Variants in DOCK10 observed in about 807,000 individuals in gnomAD.
DOCK10 encodes dedicator of cytokinesis 10, also known as dedicator of cytokinesis protein 10.
A neutral mutation model predicts 280.1 loss-of-function variants in DOCK10; 145 were observed. That is an observed-to-expected ratio of 0.52 (90% confidence interval 0.45 to 0.59). The LOEUF is 0.59. Among genes scored for constraint, DOCK10 ranks in the 20% least tolerant of loss-of-function variants. The pLI, the probability that DOCK10 is intolerant of heterozygous loss-of-function variation, is 0.00. For synonymous variants in DOCK10, 915 were observed against 942.2 expected (o/e 0.97, Z 0.53); for missense variants, 2,368 against 2,651.7 (o/e 0.89, Z 2.35).
At chr2:224,829,488 A>T (rs6741286) in intron 27 of DOCK10, among the ~76,000 whole-genome samples, 50,345 of 152,024 alleles carry the variant, frequency 0.33, 10,705 homozygotes, top group African/African-American at 0.6. Context: ...CTCATGCAGC[A>T]TTGTTATGAT....
chr2:224,784,688 A>G (rs1448818660), intron 50 of DOCK10: 1 of 1,285,926 alleles, frequency 7.8e-7, no homozygotes, highest in Admixed American at 2.3e-5. Context: ...GGGAAGTGTG[A>G]GGGGTGTTAG....
rs546285109 is a variant in DOCK10 at position 224,804,890 on chromosome 2, A to T, written c.4119-49T>A. 355 of 1,373,238 alleles carry T rather than the reference A, an allele frequency of 2.6e-4. 1 individual carries two copies. The highest frequency in any genetic ancestry group is 2.4e-3 in the Middle Eastern group (11 of 4,572). 85.1% of individuals were successfully genotyped at this position (1,373,238 alleles called of 1,614,324 possible). A position where few individuals can be genotyped will look rare whatever the true frequency, so the allele number is the denominator to read the frequency against. ...TTTTAATTATTCATATTCTTTTATT[A>T]TACAAACTGTTCATCTAAGTATATT... On this transcript the variant is annotated intron_variant, in intron 37 of 55. Coordinates refer to ENST00000258390, the MANE Select transcript of DOCK10 (RefSeq NM_014689.3).
chr2:225,014,376 G>C (rs764053929), intron 1 of DOCK10, among the ~76,000 whole-genome samples: 1 of 151,560 alleles, frequency 6.6e-6, no homozygotes, highest in Admixed American at 6.6e-5. Context: ...TGAAGTAGAA[G>C]GAAATTTCCT....
At chr2:224,961,628 T>TCC (rs1488586293) in intron 1 of DOCK10, among the ~76,000 whole-genome samples, 1 of 151,570 alleles carries the variant, frequency 6.6e-6, no homozygotes, top group Non-Finnish European at 1.5e-5. Flanking sequence ...TGCCTCAGCC[T>TCC]CCTGAGTAGC....
chr2:224,895,828 T>TGC (rs1284949432), intron 4 of DOCK10, among the ~76,000 whole-genome samples: 1 of 109,288 alleles, frequency 9.2e-6, no homozygotes, highest in Admixed American at 1.0e-4. Context: ...TGTGTGTGTG[T>TGC]GTGCGTGTGT....
At chr2:225,015,663 T>C (rs1312325915) in intron 1 of DOCK10, among the ~76,000 whole-genome samples, 1 of 152,156 alleles carries the variant, frequency 6.6e-6, no homozygotes, top group African/African-American at 2.4e-5. Flanking sequence ...GCAGAACTTT[T>C]TTCAGGCCTT....
chr2:225,029,033 T>A (rs1690001616), intron 1 of DOCK10, among the ~76,000 whole-genome samples: 1 of 152,144 alleles, frequency 6.6e-6, no homozygotes, highest in Admixed American at 6.5e-5. Flanking sequence ...TGATATGAAA[T>A]TACGTGTATT....
chr2:224,971,963 AACTT>A (rs1705110786), intron 1 of DOCK10, among the ~76,000 whole-genome samples: 2 of 152,222 alleles, frequency 1.3e-5, no homozygotes, highest in Admixed American at 6.5e-5. Context: ...TATTAAAACT[AACTT>A]AATATGCTTT....
chr2:224,789,849 C>T (rs1320587350), intron 47 of DOCK10, among the ~76,000 whole-genome samples: 3 of 151,760 alleles, frequency 2.0e-5, no homozygotes, highest in Non-Finnish European at 2.9e-5. Flanking sequence ...GGTGCCATCT[C>T]GGCTCACTGC....
intron 11 of DOCK10, among the ~76,000 whole-genome samples, chr2:224,871,468 ATTC>A (rs992662705): frequency 3.3e-5 from 5 of 152,106 alleles, no homozygotes; most frequent in South Asian, 2.1e-4. Flanking sequence ...TAGCCTCCTA[ATTC>A]TTCTTCTTGG....
chr2:224,931,470 T>C (rs919153083), intron 2 of DOCK10, 79 bp downstream of exon 2: 4 of 1,483,736 alleles, frequency 2.7e-6, no homozygotes, highest in Non-Finnish European at 3.6e-6. Context: ...GCCTGGACTC[T>C]CTGAATCTAC....
At chr2:224,817,520 C>T (rs912921908) in intron 29 of DOCK10, among the ~76,000 whole-genome samples, 1 of 152,176 alleles carries the variant, frequency 6.6e-6, no homozygotes, top group Non-Finnish European at 1.5e-5. Context: ...ATTTAAAATA[C>T]TGCCATTTCA....
chr2:224,876,066 C>T lies in DOCK10; in HGVS notation c.903G>A (p.Arg301=), dbSNP rs779133201. The change falls in exon 8 of 56, where the codon AGG becomes AGA. Residue 301 remains arginine (R), a synonymous_variant. Transcript: ENST00000258390. The stretch of plus-strand genomic sequence containing the variant: ...GACCCAGATCAGTGAGCTCTGTGCT[C>T]CTCCTCCCTTGGAGGGGCCCCTCAG... ...ISPEGPLQGR[R]STELTDLGLD... is the part of the protein sequence containing the mutation. The T allele has an allele frequency of 2.5e-6, 4 of 1,613,746 alleles. No individual in the cohort carries two copies. The highest frequency in any genetic ancestry group is 2.5e-6 in the Non-Finnish European group (3 of 1,179,792).
chr2:224,798,979 G>T (rs895823473), intron 41 of DOCK10, among the ~76,000 whole-genome samples: 1 of 152,098 alleles, frequency 6.6e-6, no homozygotes, highest in Non-Finnish European at 1.5e-5. Flanking sequence ...AGCTCATTTG[G>T]TAGAGCTGCA....
At chr2:224,977,692 A>C (rs1317640119) in intron 1 of DOCK10, among the ~76,000 whole-genome samples, 1 of 152,214 alleles carries the variant, frequency 6.6e-6, no homozygotes, top group East Asian at 1.9e-4. Flanking sequence ...ACTTGACTGC[A>C]TCGTAACAGG....
intron 1 of DOCK10, chr2:224,947,071 T>A: frequency 3.6e-6 from 5 of 1,395,408 alleles, no homozygotes; most frequent in Non-Finnish European, 4.6e-6. Flanking sequence ...GAAATGCTCA[T>A]GCTACATGAA....
chr2:224,774,979 T>C lies in DOCK10; in HGVS notation c.5939A>G (p.Glu1980Gly), dbSNP rs934808928. 1.2e-6 allele frequency: 2 copies of C among 1,612,810 alleles called. No homozygotes were observed. Among genetic ancestry groups the C allele is most frequent in the African/African-American group, 1.3e-5 (1 of 74,928 alleles). ...MHHNINRFVF[E>G]TPFTLSGKKH... is the part of the protein sequence containing the mutation. ...CTTGCCCGACAGCGTGAAGGGTGTCTCGAAGACAAAGCGGTTGATGTTGTG... is the reference window on the plus strand; with the variant it reads ...CTTGCCCGACAGCGTGAAGGGTGTCCCGAAGACAAAGCGGTTGATGTTGTG... Residue 1980 changes from glutamate to glycine, a missense_variant, in exon 52 of 56, where the codon GAG (glutamate) becomes GGG (glycine). Around this residue, in one of 2 missense-constraint regions of DOCK10, gnomAD observed 1,159 missense variants for 1,400.8 expected, o/e 0.83. Transcript: ENST00000258390.
Position 224,841,875 on chromosome 2 carries a change from A to C in DOCK10, c.2590T>G (p.Phe864Val). 1 of 1,613,060 alleles carries C rather than the reference A, an allele frequency of 6.2e-7. No homozygotes were observed. The highest frequency in any genetic ancestry group is 8.5e-7 in the Non-Finnish European group (1 of 1,179,060). Residue 864 changes from phenylalanine (F) to valine (V), a missense_variant, in exon 23 of 56, where the codon TTC (phenylalanine) becomes GTC (valine). Physicochemically the swap from Phe to Val is conservative, Grantham distance 50 (BLOSUM62 -1). Transcript: ENST00000258390. ...NTQDPHVNAF[F>V]QECQKREKDM... is the part of the protein sequence containing the mutation. ...TTCTCTCTTTTTTGGCACTCTTGGA[A>C]AAATGCATTCACATGTGGATCCTAC...
intron 11 of DOCK10, among the ~76,000 whole-genome samples, chr2:224,867,498 C>T (rs1258376322): frequency 2.0e-5 from 3 of 152,202 alleles, no homozygotes; most frequent in African/African-American, 7.2e-5. Context: ...TCCTCTTAAC[C>T]TCTTGCCCCC....
Sources: gnomAD v4.1 joint callset for allele counts (sites outside exome capture counted in the v4.1 genomes callset) on GRCh38, gnomAD v4.1.1 for gene constraint, gnomAD v4.1.1 regional missense constraint, MANE v1.5 for transcripts, NCBI Gene and HGNC (gene_info 2026-07-23, HGNC 2026-07-21) for gene names.